HTR4: variants seen among roughly 807,000 people sequenced by gnomAD.
HTR4 encodes the protein 5-hydroxytryptamine receptor 4.
HTR4 carries 16 observed loss-of-function variants against 36.8 expected under a neutral mutation model. The observed-to-expected ratio is 0.43, with a 90% CI of 0.29 to 0.66. HTR4 has a LOEUF of 0.66. HTR4 is among the 30% of genes least tolerant of loss of function. The pLI is 0.13. For missense variants in HTR4, 438 were observed against 490.9 expected, an observed-to-expected ratio of 0.89 and a Z score of 1.02; for synonymous variants, 189 against 185.1, an observed-to-expected ratio of 1.02 and a Z score of -0.17.
At chr5:148,548,017 G>T (rs1267624743) in intron 4 of HTR4, among the ~76,000 whole-genome samples, 6 of 152,186 alleles carry the variant, frequency 3.9e-5, no homozygotes, top group Non-Finnish European at 1.5e-5. Flanking sequence ...GATGGTACAA[G>T]TGATAAATAC....
chr5:148,536,246 T>C (rs1758819553), intron 4 of HTR4, among the ~76,000 whole-genome samples: 1 of 152,022 alleles, frequency 6.6e-6, no homozygotes, highest in Admixed American at 6.6e-5. Context: ...GCACTAAATA[T>C]AGAAAGGAAA....
At chr5:148,544,447 A>G (rs1215848730) in intron 4 of HTR4, among the ~76,000 whole-genome samples, 1 of 152,130 alleles carries the variant, frequency 6.6e-6, no homozygotes, top group Non-Finnish European at 1.5e-5. Flanking sequence ...TTCCCCCAAC[A>G]TAATACACCA....
chr5:148,533,677 C>CA (rs1758680661), intron 4 of HTR4, among the ~76,000 whole-genome samples: 1 of 152,114 alleles, frequency 6.6e-6, no homozygotes, highest in African/African-American at 2.4e-5. Context: ...CATTGGGTAC[C>CA]AACTTTCCCT....
chr5:148,497,638 G>A (rs1756747126), intron 6 of HTR4, among the ~76,000 whole-genome samples: 1 of 152,096 alleles, frequency 6.6e-6, no homozygotes, highest in South Asian at 2.1e-4. Context: ...CCTAGAGTGG[G>A]AAAAGTGATT....
intron 2 of HTR4, among the ~76,000 whole-genome samples, chr5:148,594,982 A>T (rs1761714140): frequency 6.6e-6 from 1 of 152,170 alleles, no homozygotes; most frequent in Non-Finnish European, 1.5e-5. Context: ...ATTGCAGAAA[A>T]TTTCAAAAAT....
intron 2 of HTR4, among the ~76,000 whole-genome samples, chr5:148,600,976 CA>C (rs58003522): frequency 0.19 from 2,431 of 12,772 alleles, 9 homozygotes; most frequent in Middle Eastern, 0.25. Context: ...AACTCAATAG[CA>C]AAAAAAAAAA....
At chr5:148,590,287 C>CTTTTTTTTTTTTTTTTT (rs779077579) in intron 2 of HTR4, among the ~76,000 whole-genome samples, 2 of 33,320 alleles carry the variant, frequency 6.0e-5, no homozygotes, top group African/African-American at 1.4e-4. Flanking sequence ...TTTTTCTTTT[C>CTTTTTTTTTTTTTTTTT]TTTTTTTTTT....
chr5:148,536,482 G>T (rs995952402), intron 4 of HTR4, among the ~76,000 whole-genome samples: 15 of 151,944 alleles, frequency 9.9e-5, no homozygotes, highest in Admixed American at 2.0e-4. Flanking sequence ...ATGGTATGCT[G>T]TCTTAAAGAC....
intron 2 of HTR4, among the ~76,000 whole-genome samples, chr5:148,576,273 A>T (rs893798670): frequency 6.6e-6 from 1 of 151,904 alleles, no homozygotes; most frequent in Admixed American, 6.6e-5. Flanking sequence ...TGGAAGTGAA[A>T]GATCTCTGCA....
intron 2 of HTR4, among the ~76,000 whole-genome samples, chr5:148,611,054 G>C (rs866647070): frequency 0.013 from 1,961 of 149,510 alleles, 19 homozygotes; most frequent in Middle Eastern, 0.028. Flanking sequence ...CGTCTGATTG[G>C]TGTACCTGAA....
At position 148,550,205 on chromosome 5, in the gene HTR4, C is replaced by G; in HGVS notation, c.84G>C (p.Thr28=). The part of the protein sequence containing the change: ...EKVVLLTFLS[T]VILMAILGNL... ...TCCCCAAGATGGCCATCAGGATAAC[C>G]GTCGAGAGAAACGTGAGCAGCACCA... The change falls in exon 3 of 7, where the codon ACG becomes ACC. Residue 28 remains threonine (T), a synonymous_variant. Transcript: ENST00000377888. 1.9e-6 allele frequency: 3 copies of G among 1,614,094 alleles called. No individual in the cohort carries two copies. The highest frequency in any genetic ancestry group is 2.5e-6 in the Non-Finnish European group (3 of 1,180,002).
intron 6 of HTR4, chr5:148,490,722 C>T (rs772845917): frequency 3.9e-5 from 49 of 1,260,622 alleles, no homozygotes; most frequent in Admixed American, 2.6e-4. Context: ...CTAGGAACTC[C>T]CTAGTAAGGC....
intron 2 of HTR4, among the ~76,000 whole-genome samples, chr5:148,615,708 G>GA (rs540458890): frequency 6.9e-6 from 1 of 145,528 alleles, no homozygotes; most frequent in African/African-American, 2.5e-5. Context: ...AAGAAAGAAA[G>GA]AAATAAAATA....
chr5:148,541,456 G>A lies in HTR4; in HGVS notation c.353+7212C>T, dbSNP rs182911271. ...AGACAAATCAAACAATTATTGAGAC[G>A]CACATAATAAGAAACTTCTATTAAC... On this transcript the variant is annotated intron_variant, in intron 4 of 6. Transcript: ENST00000377888. Among the ~76,000 whole-genome samples, 68 of 152,258 alleles carry A rather than the reference G, an allele frequency of 4.5e-4. 1 individual carries two copies. The highest frequency in any genetic ancestry group is 1.7e-3 in the Admixed American group (26 of 15,274).
chr5:148,651,098 A>G (rs1368384597), intron 1 of HTR4, among the ~76,000 whole-genome samples: 1 of 152,202 alleles, frequency 6.6e-6, no homozygotes, highest in Non-Finnish European at 1.5e-5. Flanking sequence ...AGAGTAACAG[A>G]AGTATCTCTT....
At chr5:148,642,161 G>A (rs1753748140) in intron 1 of HTR4, among the ~76,000 whole-genome samples, 1 of 152,190 alleles carries the variant, frequency 6.6e-6, no homozygotes, top group South Asian at 2.1e-4. Context: ...TTTGGGACAA[G>A]TGTCAGGAGT....
chr5:148,549,895 A>G (rs1351510811), intron 3 of HTR4, among the ~76,000 whole-genome samples: 1 of 152,220 alleles, frequency 6.6e-6, no homozygotes, highest in Non-Finnish European at 1.5e-5. Context: ...GATCACAACT[A>G]TAAACACATT....
intron 5 of HTR4, among the ~76,000 whole-genome samples, chr5:148,467,270 C>CAT (rs1755452812): frequency 6.6e-6 from 1 of 152,144 alleles, no homozygotes; most frequent in Non-Finnish European, 1.5e-5. Context: ...CAATATCTGG[C>CAT]ATATATATGT....
chr5:148,615,248 T>C (rs1201259041), intron 2 of HTR4, among the ~76,000 whole-genome samples: 1 of 152,070 alleles, frequency 6.6e-6, no homozygotes, highest in Non-Finnish European at 1.5e-5. Flanking sequence ...TATTGCAGCA[T>C]TATTCACAAT....
Sources: gnomAD v4.1 joint callset for allele counts (sites outside exome capture counted in the v4.1 genomes callset) on GRCh38, gnomAD v4.1.1 for gene constraint, MANE v1.5 for transcripts, NCBI Gene and HGNC (gene_info 2026-07-23, HGNC 2026-07-21) for gene names.